The following GLYR1 variants were observed in gnomAD, a reference collection of about 807,000 sequenced individuals.
GLYR1 encodes the protein cytokine-like nuclear factor N-PAC.
In GLYR1, 21 loss-of-function variants were observed where a neutral mutation model predicts 72.7. The observed-to-expected ratio is 0.29, with a 90% CI of 0.20 to 0.42. The LOEUF (loss-of-function observed/expected upper bound fraction) is 0.42, where lower values mean the gene tolerates loss of function less well. GLYR1 is among the 10% of genes least tolerant of loss of function. The probability of loss-of-function intolerance (pLI) is 1.00; values close to 1 mark genes in which losing one functional copy is unlikely to be tolerated. For missense variants in GLYR1, 594 were observed against 712.1 expected (o/e 0.83, Z 1.89); for synonymous variants, 392 against 270.2 (o/e 1.45, Z -4.42).
rs79940380 is a variant in GLYR1, at chr16:4,826,783, G to A, written c.538-2876C>T. Among the ~76,000 whole-genome samples, 765 of 152,336 alleles carry A rather than the reference G, an allele frequency of 5.0e-3. 3 individuals carry two copies. The highest frequency in any genetic ancestry group is 0.014 in the Middle Eastern group (4 of 294). On this transcript the variant is annotated intron_variant, in intron 5 of 15. Transcript: ENST00000321919. ...TGATGGAGAAGCTGCATTTTAATGT[G>A]CATTTAATTTCAATTTAAATGGCCA...
intron 12 of GLYR1, among the ~76,000 whole-genome samples, chr16:4,812,576 T>C (rs12019050): frequency 0.076 from 11,540 of 151,238 alleles, 493 homozygotes; most frequent in African/African-American, 0.13. Context: ...CACTGCAAGC[T>C]CCGCCTCGCG....
chr16:4,845,172 G>GA lies in GLYR1; in HGVS notation c.76-20dup. 2 of 1,600,210 alleles carry GA rather than the reference G, an allele frequency of 1.2e-6. No individual in the cohort carries two copies. The highest frequency in any genetic ancestry group is 1.7e-6 in the Non-Finnish European group (2 of 1,167,486). The stretch of plus-strand genomic sequence containing the variant: ...TAACAATCTGGAGGATAAAAGGGGG[G>GA]AAAAAGGTTGGCTGGCAACACAGCA... On this transcript the variant is annotated intron_variant, in intron 2 of 15. Coordinates refer to ENST00000321919, the MANE Select transcript of GLYR1 (RefSeq NM_032569.4).
At chr16:4,842,513 C>T (rs2085640115) in intron 3 of GLYR1, among the ~76,000 whole-genome samples, 1 of 151,568 alleles carries the variant, frequency 6.6e-6, no homozygotes, top group Non-Finnish European at 1.5e-5. Context: ...CCATGCCTGG[C>T]TATTGAAAAA....
rs1228840856 is a variant in GLYR1 at position 4,847,215 on chromosome 16, C to A, written c.38+13G>T. ...CCCGGCGCGTCTCGGTTGGCCCGGCCGCTCGGACTCACCACACCAAGTCGC... is the reference window on the plus strand; with the variant it reads ...CCCGGCGCGTCTCGGTTGGCCCGGCAGCTCGGACTCACCACACCAAGTCGC... On this transcript the variant is annotated intron_variant, in intron 1 of 15. Coordinates refer to ENST00000321919, the MANE Select transcript of GLYR1 (RefSeq NM_032569.4). The A allele has an allele frequency of 1.2e-6, 2 of 1,601,986 alleles. No individual in the cohort carries two copies. Among genetic ancestry groups the A allele is most frequent in the African/African-American group, 1.3e-5 (1 of 74,232 alleles).
intron 1 of GLYR1, 165 bp downstream of exon 1, chr16:4,847,063 A>T: frequency 1.5e-6 from 1 of 661,180 alleles, no homozygotes; most frequent in Non-Finnish European, 2.6e-6. Context: ...CCGGGACTGG[A>T]CTGCCCCTTC....
At chr16:4,821,670 A>C in intron 7 of GLYR1, 73 bp from the exon 8 acceptor site, 6 of 1,385,718 alleles carry the variant, frequency 4.3e-6, no homozygotes, top group Non-Finnish European at 6.2e-6. Flanking sequence ...ATCCCCTCAA[A>C]GGTTAGACCC....
At position 4,832,368 on chromosome 16, in the gene GLYR1, A is replaced by G. The variant is rs958267302; in HGVS notation, c.295-147T>C. ...GAAATAGATTCTGCTGTCGTCCCAG[A>G]CATTGGGAGAAGCAGATTTAAAAAA... On this transcript the variant is annotated intron_variant, in intron 4 of 15. Transcript: ENST00000321919. The G allele has an allele frequency of 7.4e-6, 7 of 949,560 alleles. No homozygotes were observed. In the African/African-American group the frequency reaches 9.9e-5, roughly 13 times the overall value. The allele number at this position is 949,560 out of a possible 1,614,324, so 58.8% of individuals were successfully genotyped here.
intron 10 of GLYR1, among the ~76,000 whole-genome samples, chr16:4,815,983 G>A (rs1567682833): frequency 6.6e-6 from 1 of 151,950 alleles, no homozygotes; most frequent in South Asian, 2.1e-4. Flanking sequence ...GGGTTTCACC[G>A]AGGTCTCGAT....
intron 15 of GLYR1, among the ~76,000 whole-genome samples, chr16:4,807,682 G>A (rs889883506): frequency 8.5e-5 from 13 of 152,192 alleles, no homozygotes; most frequent in South Asian, 6.2e-4. Flanking sequence ...AATGAATCCT[G>A]TAGTCAGGGT....
chr16:4,847,007 G>A (rs2086181299), intron 1 of GLYR1: 2 of 555,344 alleles, frequency 3.6e-6, no homozygotes, highest in Non-Finnish European at 6.3e-6. Flanking sequence ...GCCGGCCTCG[G>A]GGATCAAAGC....
At chr16:4,810,709 A>T (rs1161566915) in intron 15 of GLYR1, among the ~76,000 whole-genome samples, 2 of 122,282 alleles carry the variant, frequency 1.6e-5, no homozygotes, top group Admixed American at 1.9e-4. Context: ...TAAAAAAAAA[A>T]AAAAAAAAAA....
intron 5 of GLYR1, among the ~76,000 whole-genome samples, chr16:4,831,328 C>T (rs147736938): frequency 1.8e-4 from 28 of 152,338 alleles, no homozygotes; most frequent in Non-Finnish European, 3.5e-4. Flanking sequence ...GGGAGGCACA[C>T]ACTGCCACTG....
intron 9 of GLYR1, 113 bp downstream of exon 9, chr16:4,821,267 T>C (rs2084004907): frequency 1.9e-6 from 2 of 1,046,214 alleles, no homozygotes; most frequent in Non-Finnish European, 3.0e-6. Flanking sequence ...ACCTTTTCCA[T>C]TCAATGCCAG....
rs1371974627 is a variant in GLYR1, at chr16:4,821,396, T to G, written c.790A>C (p.Thr264Pro). ...ADSTAVNGSI[T>P]PTDKKIGFLG... ...AGGTCCTACTTTTTGTCTGTGGGTG[T>G]GATGCTGCCATTCACGGCTGTGCTG... The change falls in exon 9 of 16, where the codon ACA (threonine) becomes CCA (proline). Residue 264 changes from threonine to proline, a missense_variant. By Grantham distance (38) the Thr-to-Pro change is conservative. Transcript: ENST00000321919. The G allele has an allele frequency of 6.2e-7, 1 of 1,613,190 alleles. No homozygotes were observed. The highest frequency in any genetic ancestry group is 8.5e-7 in the Non-Finnish European group (1 of 1,180,034).
chr16:4,814,961 C>CT (rs1439206047), intron 10 of GLYR1, among the ~76,000 whole-genome samples: 1 of 152,230 alleles, frequency 6.6e-6, no homozygotes, highest in East Asian at 1.9e-4. Context: ...GCTGTCCTGG[C>CT]TGTGGCCCTG....
At chr16:4,841,077 A>G (rs755066898) in intron 3 of GLYR1, among the ~76,000 whole-genome samples, 5 of 152,214 alleles carry the variant, frequency 3.3e-5, no homozygotes, top group Non-Finnish European at 7.3e-5. Flanking sequence ...AAAGTTAAAA[A>G]TATTGCATTT....
intron 9 of GLYR1, among the ~76,000 whole-genome samples, chr16:4,820,088 C>T (rs1180065859): frequency 6.6e-6 from 1 of 152,114 alleles, no homozygotes; most frequent in Non-Finnish European, 1.5e-5. Flanking sequence ...ACCTCCACCT[C>T]CCGGGTTCAA....
intron 3 of GLYR1, among the ~76,000 whole-genome samples, chr16:4,838,983 C>A (rs1001380007): frequency 1.8e-4 from 27 of 152,152 alleles, no homozygotes; most frequent in African/African-American, 6.5e-4. Context: ...ACCTCCCAGG[C>A]TCAAGCGATC....
At chr16:4,812,963 AT>A (rs777147624) in intron 12 of GLYR1, among the ~76,000 whole-genome samples, 10,563 of 98,256 alleles carry the variant, frequency 0.11, 603 homozygotes, top group African/African-American at 0.19. Flanking sequence ...TGCCTGGCTA[AT>A]TTTTTTTTTT....
Sources: allele counts gnomAD v4.1 joint callset (sites outside exome capture counted in the v4.1 genomes callset), GRCh38; gene constraint gnomAD v4.1.1; transcripts MANE v1.5; gene names NCBI Gene and HGNC (gene_info 2026-07-23, HGNC 2026-07-21).